The following FAM53A variants were observed in gnomAD, a reference collection of about 807,000 sequenced individuals.
The protein encoded by FAM53A is family with sequence similarity 53 member A.
FAM53A carries 28 observed loss-of-function variants against 26.6 expected under a neutral mutation model. The ratio of observed to expected loss-of-function variants is 1.05; its 90% confidence interval spans 0.78 to 1.45. The LOEUF (loss-of-function observed/expected upper bound fraction) is 1.45. FAM53A is among the 40% of genes most tolerant of loss of function. FAM53A has a pLI of 0.00. For missense variants in FAM53A, 650 were observed against 575.8 expected (o/e 1.13, Z -1.32); for synonymous variants, 290 against 253.1 (o/e 1.15, Z -1.38).
At chr4:1,614,572 GAGCAGCGTCAC>G (rs1714742315), downstream of FAM53A, among the ~76,000 whole-genome samples, 2 of 152,114 alleles carry the variant, frequency 1.3e-5, no homozygotes, top group Admixed American at 1.3e-4. Context: ...CACAGCCCCA[GAGCAGCGTCAC>G]CGCAGCAGCA....
the FAM53A span, among the ~76,000 whole-genome samples, chr4:1,585,781 C>T: frequency 2.6e-5 from 4 of 152,194 alleles, no homozygotes; most frequent in Non-Finnish European, 5.9e-5. Context: ...GGCTAGAGTG[C>T]AGTAGCAATC....
rs1225763953 is a variant in FAM53A at position 1,633,875 on chromosome 4, C to T, written c.432-15764G>A. 3.9e-5 allele frequency among the ~76,000 whole-genome samples: 6 copies of T among 151,942 alleles called. No homozygotes were observed. The South Asian group carries it at 8.3e-4, about 21-fold the overall frequency. On this transcript the variant is annotated intron_variant, in intron 1 of 1. Coordinates refer to the FAM53A transcript ENST00000489029. ...AAAAAAAAATCTATATCCATAACTG[C>T]AGGAAAAGAGAAAAGGGGGCATGAC... is the stretch of plus-strand genomic sequence containing the variant.
intron 1 of FAM53A, among the ~76,000 whole-genome samples, chr4:1,671,391 T>TCACAGC (rs796201722): frequency 1.8e-4 from 14 of 79,828 alleles, no homozygotes; most frequent in Admixed American, 4.4e-4. Flanking sequence ...AGCCACCAGC[T>TCACAGC]CACAGCCACG....
At chr4:1,574,856 C>T in the FAM53A span, among the ~76,000 whole-genome samples, 3 of 152,256 alleles carry the variant, frequency 2.0e-5, no homozygotes, top group African/African-American at 4.8e-5. Context: ...TGGGCCTCCC[C>T]GGACGGACCG....
the FAM53A span, among the ~76,000 whole-genome samples, chr4:1,589,166 T>C: frequency 1.3e-5 from 2 of 152,252 alleles, no homozygotes; most frequent in African/African-American, 4.8e-5. Context: ...TGTCCATTAC[T>C]AGTTTTCTGA....
Position 1,655,137 on chromosome 4 carries a change from G to T in FAM53A, c.723C>A (p.Ser241Arg). ...CCAGCGCAGGCGTGGACGTGGGGCT[G>T]CTGCTGGCCCAGGGCAGGGGAGTGC... ...GAGTPLPWAS[S>R]SPTSTPALGG... The change falls in exon 4 of 5, where the codon AGC becomes AGA. Residue 241 changes from serine to arginine, a missense_variant. Transcript: ENST00000308132. The T allele has an allele frequency of 6.3e-7, 1 of 1,589,756 alleles. No individual in the cohort carries two copies. The highest frequency in any genetic ancestry group is 8.5e-7 in the Non-Finnish European group (1 of 1,169,820).
chr4:1,677,869 C>T (rs372901356), intron 1 of FAM53A, among the ~76,000 whole-genome samples: 3 of 152,156 alleles, frequency 2.0e-5, no homozygotes, highest in Non-Finnish European at 2.9e-5. Context: ...TGCTTGAATC[C>T]GGGAGGCAGA....
At chr4:1,622,140 C>A (rs28637577) in intron 1 of FAM53A, among the ~76,000 whole-genome samples, 1 of 151,954 alleles carries the variant, frequency 6.6e-6, no homozygotes, top group Admixed American at 6.6e-5. Context: ...AACTTGAGCC[C>A]GCCGACCCCT....
At chr4:1,646,707 C>G (rs1481360094) in intron 4 of FAM53A, among the ~76,000 whole-genome samples, 1 of 152,180 alleles carries the variant, frequency 6.6e-6, no homozygotes, top group Non-Finnish European at 1.5e-5. Flanking sequence ...ACATGCACCT[C>G]TAGCTTGTCC....
At chr4:1,617,139 TA>T (rs1157020056), downstream of FAM53A, among the ~76,000 whole-genome samples, 4 of 106,024 alleles carry the variant, frequency 3.8e-5, no homozygotes, top group African/African-American at 1.1e-4. Context: ...CTTGAAATTT[TA>T]AAAAAAAGTT....
At chr4:1,592,007 CAG>C in the FAM53A span, among the ~76,000 whole-genome samples, 1 of 152,168 alleles carries the variant, frequency 6.6e-6, no homozygotes, top group Non-Finnish European at 1.5e-5. Context: ...TCGGTCACCC[CAG>C]ACCACAGGCT....
chr4:1,575,904 C>T, the FAM53A span, among the ~76,000 whole-genome samples: 2 of 152,130 alleles, frequency 1.3e-5, no homozygotes, highest in African/African-American at 4.8e-5. Context: ...ACCAGGGGCA[C>T]CTCACCCCCG....
the FAM53A span, among the ~76,000 whole-genome samples, chr4:1,575,527 G>T: frequency 0.11 from 17,215 of 152,112 alleles, 1,363 homozygotes; most frequent in Middle Eastern, 0.2. Flanking sequence ...TGGGAGGGGG[G>T]CTGTCAAGGG....
Position 1,659,822 on chromosome 4 carries a change from C to A in FAM53A, c.76-2354G>T, listed in dbSNP as rs1301372785. Among the ~76,000 whole-genome samples, 1 of 152,230 alleles carries A rather than the reference C, an allele frequency of 6.6e-6. No homozygotes were observed. Among genetic ancestry groups the A allele is most frequent in the Non-Finnish European group, 1.5e-5 (1 of 68,038 alleles). ...ATCTATGCATGGTCGAAGGGGCTGG[C>A]TTCCTCTCTGATGCCTCTCACATAT... On this transcript the variant is annotated intron_variant, in intron 2 of 4. Transcript: ENST00000308132. The surrounding 1 kb of genome is among the most constrained non-coding windows in gnomAD (Gnocchi z 5.2).
chr4:1,643,246 C>T (rs56346639), intron 4 of FAM53A, among the ~76,000 whole-genome samples: 28,945 of 152,060 alleles, frequency 0.19, 3,556 homozygotes, highest in Admixed American at 0.29. Flanking sequence ...GCGGGCGGAT[C>T]ACGAGGTCAG....
chr4:1,673,898 G>A (rs1379810896), intron 1 of FAM53A, among the ~76,000 whole-genome samples: 1 of 152,272 alleles, frequency 6.6e-6, no homozygotes, highest in Non-Finnish European at 1.5e-5. Context: ...TCCCTGCTGG[G>A]AGCCCAGGAG....
At chr4:1,575,612 G>A in the FAM53A span, among the ~76,000 whole-genome samples, 4 of 152,094 alleles carry the variant, frequency 2.6e-5, no homozygotes, top group South Asian at 2.1e-4. Flanking sequence ...TACAGGTGGC[G>A]GCTGTCCAGC....
At chr4:1,584,496 C>T in the FAM53A span, among the ~76,000 whole-genome samples, 2 of 152,234 alleles carry the variant, frequency 1.3e-5, no homozygotes, top group South Asian at 4.1e-4. Context: ...TTAATTTGCT[C>T]ACATTTTTGA....
chr4:1,600,892 G>A, the FAM53A span, among the ~76,000 whole-genome samples: 5 of 152,310 alleles, frequency 3.3e-5, no homozygotes, highest in South Asian at 1.0e-3. Flanking sequence ...GGGTTCGGAG[G>A]AGACGGCTCC....
Sources: allele counts gnomAD v4.1 joint callset (sites outside exome capture counted in the v4.1 genomes callset), GRCh38; gene constraint gnomAD v4.1.1; non-coding constraint Gnocchi (gnomAD v3.1); transcripts MANE v1.5; gene names NCBI Gene and HGNC (gene_info 2026-07-23, HGNC 2026-07-21).